Variants in CSE1L observed in about 807,000 individuals in gnomAD.
CSE1L encodes chromosome segregation 1 like.
Under a neutral mutation model 120.4 loss-of-function variants are expected in CSE1L, and 24 were observed. That is an observed-to-expected ratio of 0.20 (90% CI 0.14 to 0.28). CSE1L has a LOEUF of 0.28. Ranked by LOEUF, CSE1L falls within the 10% of genes least tolerant of loss-of-function variation. CSE1L has a pLI of 1.00. For synonymous variants in CSE1L, 402 were observed against 398.3 expected (o/e 1.01, Z -0.11); for missense variants, 830 against 1,145.2 (o/e 0.72, Z 3.97).
intron 8 of CSE1L, 90 bp downstream of exon 8, chr20:49,070,387 TTAAAAGA>T (rs1429567173): frequency 6.1e-6 from 4 of 657,172 alleles, no homozygotes; most frequent in South Asian, 5.2e-5. Flanking sequence ...TCTTGCATTG[TTAAAAGA>T]TAAAATTTCA....
At chr20:49,072,495 C>T (rs1046025252) in intron 9 of CSE1L, 42 bp downstream of exon 9, 5 of 1,608,400 alleles carry the variant, frequency 3.1e-6, no homozygotes, top group Non-Finnish European at 4.3e-6. Flanking sequence ...GACATTCTCT[C>T]CCTATCTCCT....
Position 49,096,557 on chromosome 20 carries a change from G to A in CSE1L, c.*119G>A. On this transcript the variant is annotated 3_prime_UTR_variant, in exon 25 of 25. Coordinates refer to ENST00000262982, the MANE Select transcript of CSE1L (RefSeq NM_001316.4). ...TTGAACTTGTCACGAATTCCATCTT[G>A]TAAAGGATATTAAATGTTGCTTTAA... is the stretch of plus-strand genomic sequence containing the variant. 1.3e-6 allele frequency: 1 copy of A among 758,134 alleles called. No homozygotes were observed. The highest frequency in any genetic ancestry group is 1.6e-5 in the South Asian group (1 of 60,892). The allele number at this position is 758,134 out of a possible 1,614,324, so 47.0% of individuals were successfully genotyped here.
chr20:49,092,034 T>C lies in CSE1L; in HGVS notation c.2366-12T>C. The C allele has an allele frequency of 6.8e-7, 1 of 1,463,226 alleles. No individual in the cohort carries two copies. The highest frequency in any genetic ancestry group is 1.2e-5 in the South Asian group (1 of 83,754). The allele number at this position is 1,463,226 out of a possible 1,614,324, so 90.6% of individuals were successfully genotyped here. ...GTTCTCTATGCTGATATTCTGCATC[T>C]TCTTTCAACAGGTTTTTTAGTCTTT... is the stretch of plus-strand genomic sequence containing the variant. On this transcript the variant is annotated splice_polypyrimidine_tract_variant and intron_variant, in intron 21 of 24. Coordinates refer to ENST00000262982, the MANE Select transcript of CSE1L (RefSeq NM_001316.4).
rs2145762585 is a variant in CSE1L, at chr20:49,096,624, G to A, written c.*186G>A. On this transcript the variant is annotated 3_prime_UTR_variant, in exon 25 of 25. Transcript: ENST00000262982. ...ATTAGTTGGTTTGTGTGATCATACA[G>A]TTATGTGGGTGGCTTCTAGTTTGCA... 1.7e-6 allele frequency: 1 copy of A among 601,606 alleles called. No homozygotes were observed. Among genetic ancestry groups the A allele is most frequent in the Middle Eastern group, 3.9e-4 (1 of 2,548 alleles). 37.3% of individuals were successfully genotyped at this position (601,606 alleles called of 1,614,324 possible). A position where few individuals can be genotyped will look rare whatever the true frequency, so the allele number is the denominator to read the frequency against.
At chr20:49,047,149 G>T (rs992202915) in intron 1 of CSE1L, among the ~76,000 whole-genome samples, 1 of 152,134 alleles carries the variant, frequency 6.6e-6, no homozygotes, top group African/African-American at 2.4e-5. Context: ...GAATTAGATC[G>T]CCTGGGTTCA....
At chr20:49,082,302 C>G (rs1351192629) in intron 14 of CSE1L, among the ~76,000 whole-genome samples, 1 of 152,020 alleles carries the variant, frequency 6.6e-6, no homozygotes, top group African/African-American at 2.4e-5. Context: ...CAGGTGCCCA[C>G]CACCACGCCC....
intron 12 of CSE1L, 139 bp downstream of exon 12, chr20:49,075,659 A>G: frequency 1.4e-6 from 1 of 735,810 alleles, no homozygotes; most frequent in Non-Finnish European, 2.2e-6. Flanking sequence ...TAATCTCTGA[A>G]GATGGCTTTA....
Position 49,084,104 on chromosome 20 carries a change from T to C in CSE1L, c.1561T>C (p.Tyr521His), listed in dbSNP as rs758217555. The C allele has an allele frequency of 1.2e-6, 2 of 1,614,104 alleles. No individual in the cohort carries two copies. The highest frequency in any genetic ancestry group is 2.2e-5 in the South Asian group (2 of 91,088). Residue 521 changes from tyrosine to histidine, a missense_variant, in exon 15 of 25, where the codon TAC (tyrosine) becomes CAC (histidine). Tyr to His is a moderately conservative substitution (Grantham distance 83). Around this residue, in one of 4 missense-constraint regions of CSE1L, gnomAD observed 543 missense variants for 640.2 expected, o/e 0.85. Transcript: ENST00000262982. ...LQAESIVVHT[Y>H]AAHALERLFT... ...AGCTGAAAGTATTGTTGTTCATACT[T>C]ACGCAGCTCATGCTCTTGAACGGCT...
rs370077115 is a variant in CSE1L at position 49,066,400 on chromosome 20, T to C, written c.366T>C (p.Asp122=). ...SDAISIIGRE[D]FPQKWPDLLT... is the part of the protein sequence containing the mutation. ...CAATTAGCATTATTGGCAGAGAAGA[T>C]TTTCCACAGAAATGGCCTGACTTGC... Residue 122 remains aspartate (D), a synonymous_variant, in exon 5 of 25, where the codon GAT becomes GAC. Transcript: ENST00000262982. The C allele has an allele frequency of 1.5e-5, 25 of 1,614,212 alleles. No individual in the cohort carries two copies. The East Asian group carries it at 2.5e-4, about 16-fold the overall frequency.
At chr20:49,089,846 C>G in intron 19 of CSE1L, 100 bp downstream of exon 19, 1 of 1,174,352 alleles carries the variant, frequency 8.5e-7, no homozygotes, top group Admixed American at 2.2e-5. Flanking sequence ...AAATTTAAGG[C>G]TGGGGGCAGT....
rs1981689099 is a variant in CSE1L, at chr20:49,089,329, C to G, written c.1904C>G (p.Ala635Gly). Residue 635 changes from alanine to glycine, a missense_variant, in exon 18 of 25, where the codon GCT becomes GGT. This residue lies in a region of CSE1L where 168 missense variants were observed against 267.9 expected (regional missense o/e 0.63). Transcript: ENST00000262982. ...AGAATAACTTGCAAAGCTAACCCTG[C>G]TGCTGTTGTAAATTTTGAGGAGGCT... ...SIRITCKANPAAVVNFEEALF... is the reference protein window; with the variant it reads ...SIRITCKANPGAVVNFEEALF... The G allele has an allele frequency of 6.2e-7, 1 of 1,613,302 alleles. No individual in the cohort carries two copies. Among genetic ancestry groups the G allele is most frequent in the African/African-American group, 1.3e-5 (1 of 74,836 alleles).
At chr20:49,085,228 T>TGCAGTGACAAGCTCAAGAGTTG (rs2092046059) in intron 15 of CSE1L, 55 bp from the exon 16 acceptor site, 2 of 1,338,552 alleles carry the variant, frequency 1.5e-6, no homozygotes, top group Admixed American at 3.4e-5. Flanking sequence ...AAGGGTAATC[T>TGCAGTGACAAGCTCAAGAGTTG]GCAGTGACAA....
At chr20:49,064,097 T>C (rs2123685391) in intron 3 of CSE1L, among the ~76,000 whole-genome samples, 3 of 152,288 alleles carry the variant, frequency 2.0e-5, no homozygotes, top group Admixed American at 2.0e-4. Flanking sequence ...TGGAATCTAG[T>C]GGGTAGAGGC....
rs558663321 is a variant in CSE1L, at chr20:49,094,057, TAAG to T, written c.2448-79_2448-77del. 1,898 of 838,422 alleles carry T rather than the reference TAAG, an allele frequency of 2.3e-3. 5 individuals carry two copies. Among genetic ancestry groups the T allele is most frequent in the Non-Finnish European group, 3.1e-3 (1,667 of 545,840 alleles). 51.9% of individuals were successfully genotyped at this position (838,422 alleles called of 1,614,324 possible). A position where few individuals can be genotyped will look rare whatever the true frequency, so the allele number is the denominator to read the frequency against. Reference sequence around the variant, plus strand: ...GTTATTTAGTAATTTATCATATTCATAAGAAGTAACTAACATCTAAGCATTTTA... The same window carrying T: ...GTTATTTAGTAATTTATCATATTCATAAGTAACTAACATCTAAGCATTTTA... On this transcript the variant is annotated intron_variant, in intron 22 of 24. Transcript: ENST00000262982.
rs117326457 is a variant in CSE1L, at chr20:49,093,804, C to A, written c.2448-336C>A. 8.0e-3 allele frequency among the ~76,000 whole-genome samples: 1,209 copies of A among 151,794 alleles called. 7 individuals carry two copies. The highest frequency in any genetic ancestry group is 0.021 in the Middle Eastern group (6 of 290). The stretch of plus-strand genomic sequence containing the variant: ...TGGTGGTGGGCACCTGTAATCCCAC[C>A]TACTCAGGGGGCTGAGGCAGGCAAA... On this transcript the variant is annotated intron_variant, in intron 22 of 24. Transcript: ENST00000262982.
chr20:49,050,909 G>A (rs547980702), intron 1 of CSE1L, among the ~76,000 whole-genome samples: 3 of 152,072 alleles, frequency 2.0e-5, no homozygotes, highest in Non-Finnish European at 2.9e-5. Flanking sequence ...CTTTCTGTTT[G>A]ACACAGTCAA....
At position 49,094,848 on chromosome 20, in the gene CSE1L, C is replaced by T; in HGVS notation, c.2711C>T (p.Ser904Leu). The change falls in exon 24 of 25, where the codon TCA becomes TTA. Residue 904 changes from serine to leucine, a missense_variant. Ser to Leu is a moderately radical substitution (Grantham distance 145, BLOSUM62 -2). Around this residue, in one of 4 missense-constraint regions of CSE1L, gnomAD observed 112 missense variants for 200.0 expected, o/e 0.56. Coordinates refer to ENST00000262982, the MANE Select transcript of CSE1L (RefSeq NM_001316.4). ...ACACCAGGATATCAGACTGCCTTCT[C>T]ACAGTTGGCATTTGCTGGGAAAAAA... ...EDTPGYQTAF[S>L]QLAFAGKKEH... The T allele has an allele frequency of 6.2e-7, 1 of 1,613,982 alleles. No individual in the cohort carries two copies. Among genetic ancestry groups the T allele is most frequent in the Non-Finnish European group, 8.5e-7 (1 of 1,179,896 alleles).
intron 14 of CSE1L, among the ~76,000 whole-genome samples, chr20:49,083,474 A>G (rs1306939972): frequency 6.6e-6 from 1 of 152,124 alleles, no homozygotes; most frequent in Non-Finnish European, 1.5e-5. Flanking sequence ...TATGTTGCCC[A>G]GGCTGGTCTT....
chr20:49,073,069 T>C (rs540817533), intron 10 of CSE1L, among the ~76,000 whole-genome samples: 2 of 152,112 alleles, frequency 1.3e-5, no homozygotes, highest in Non-Finnish European at 2.9e-5. Context: ...TGGAGTGCAG[T>C]GATGCAATCT....
Sources: gnomAD v4.1 joint callset for allele counts (sites outside exome capture counted in the v4.1 genomes callset) on GRCh38, gnomAD v4.1.1 for gene constraint, gnomAD v4.1.1 regional missense constraint, MANE v1.5 for transcripts, NCBI Gene and HGNC (gene_info 2026-07-23, HGNC 2026-07-21) for gene names.